The following ATXN10 variants were observed in gnomAD, a reference collection of about 807,000 sequenced individuals.
The protein encoded by ATXN10 is ataxin-10.
In ATXN10, 28 loss-of-function variants were observed where a neutral mutation model predicts 52.9. The observed-to-expected ratio is 0.53, with a 90% CI of 0.39 to 0.73. The LOEUF (loss-of-function observed/expected upper bound fraction) is 0.73. Among genes scored for constraint, ATXN10 ranks in the 30% least tolerant of loss-of-function variants. The pLI, the probability that ATXN10 is intolerant of heterozygous loss-of-function variation, is 0.00. For missense variants in ATXN10, 565 were observed against 577.0 expected, an observed-to-expected ratio of 0.98 and a Z score of 0.21; for synonymous variants, 226 against 221.5, an observed-to-expected ratio of 1.02 and a Z score of -0.18.
At position 45,672,177 on chromosome 22, in the gene ATXN10, C is replaced by T. The variant is rs1922475862; in HGVS notation, c.114C>T (p.Asn38=). ...ALTALFKEQR[N]RETAPRTIFQ... ...CGGCGCTCTTCAAAGAGCAGCGGAACCGGTAACGGGTCCGGCCGGGGGGCT... is the reference window on the plus strand; with the variant it reads ...CGGCGCTCTTCAAAGAGCAGCGGAATCGGTAACGGGTCCGGCCGGGGGGCT... The change falls in exon 1 of 12, where the codon AAC becomes AAT. Residue 38 remains asparagine, a splice_region_variant and synonymous_variant. Transcript: ENST00000252934. 5.9e-6 allele frequency: 9 copies of T among 1,533,748 alleles called. No homozygotes were observed. Among genetic ancestry groups the T allele is most frequent in the Non-Finnish European group, 7.0e-6 (8 of 1,142,898 alleles).
In ATXN10 at chr22:45,721,629, A is replaced by G. The variant is rs1183228693; in HGVS notation, c.728+3136A>G. Among the ~76,000 whole-genome samples the G allele has an allele frequency of 3.3e-5, 5 of 152,332 alleles. No homozygotes were observed. In the East Asian group the frequency reaches 7.7e-4, roughly 23 times the overall value. ...TCTTACTACTATTACTGCAACTACAAGTCTAACAACTACTGCTACTATGCT... is the reference window on the plus strand; with the variant it reads ...TCTTACTACTATTACTGCAACTACAGGTCTAACAACTACTGCTACTATGCT... On this transcript the variant is annotated intron_variant, in intron 6 of 11. Transcript: ENST00000252934.
At chr22:45,723,465 C>G (rs1380572884) in intron 6 of ATXN10, among the ~76,000 whole-genome samples, 1 of 151,772 alleles carries the variant, frequency 6.6e-6, no homozygotes, top group Non-Finnish European at 1.5e-5. Flanking sequence ...GATTTTAGTG[C>G]ACCTGTCACC....
chr22:45,687,206 A>G (rs1923180087), intron 1 of ATXN10, among the ~76,000 whole-genome samples: 1 of 152,236 alleles, frequency 6.6e-6, no homozygotes. Flanking sequence ...ATTGGGAATT[A>G]TTCACAACAT....
chr22:45,699,785 C>T (rs1378585058), intron 3 of ATXN10, among the ~76,000 whole-genome samples: 1 of 151,650 alleles, frequency 6.6e-6, no homozygotes, highest in Non-Finnish European at 1.5e-5. Flanking sequence ...TGAGCCACTG[C>T]ACCCAGGCAA....
intron 9 of ATXN10, among the ~76,000 whole-genome samples, chr22:45,746,948 A>G (rs1263939115): frequency 1.3e-5 from 2 of 152,210 alleles, no homozygotes; most frequent in Non-Finnish European, 2.9e-5. Flanking sequence ...CACCAGCAGA[A>G]CTGTGACATA....
At chr22:45,810,839 G>C (rs915784486) in intron 10 of ATXN10, among the ~76,000 whole-genome samples, 2 of 152,126 alleles carry the variant, frequency 1.3e-5, no homozygotes, top group African/African-American at 4.8e-5. Context: ...TTTGGAGCTT[G>C]ATTTCTAGTA....
chr22:45,685,095 C>CT (rs66761568), intron 1 of ATXN10, among the ~76,000 whole-genome samples: 5 of 142,586 alleles, frequency 3.5e-5, no homozygotes, highest in East Asian at 2.0e-4. Flanking sequence ...TAGCATGTAG[C>CT]TTTTTTTTTT....
chr22:45,800,247 A>G (rs1478624105), intron 9 of ATXN10, among the ~76,000 whole-genome samples: 6 of 152,234 alleles, frequency 3.9e-5, no homozygotes, highest in African/African-American at 1.4e-4. Flanking sequence ...ACTTACTCAT[A>G]TGCAGAATAT....
intron 9 of ATXN10, chr22:45,760,565 A>G (rs1352502042): frequency 6.5e-6 from 1 of 153,984 alleles, no homozygotes; most frequent in Admixed American, 6.5e-5. Context: ...ATCAGAAGCT[A>G]GGAAGGCTTC....
At chr22:45,832,716 A>T (rs1929033055) in intron 10 of ATXN10, among the ~76,000 whole-genome samples, 1 of 152,250 alleles carries the variant, frequency 6.6e-6, no homozygotes, top group African/African-American at 2.4e-5. Flanking sequence ...ATTTTTGTTC[A>T]TATCTAAATC....
chr22:45,772,361 C>G lies in ATXN10; in HGVS notation c.1173+31823C>G, dbSNP rs1926807664. On this transcript the variant is annotated intron_variant, in intron 9 of 11. Coordinates refer to ENST00000252934, the MANE Select transcript of ATXN10 (RefSeq NM_013236.4). This position sits in a 1 kb window ranked among gnomAD's most constrained non-coding sequence, Gnocchi z 4.1. ...TTTTGTTCATTGAATTGCTTTTGCA[C>G]CTTTGTCAAAGATCAAATGGCCCAA... Among the ~76,000 whole-genome samples, 1 of 152,154 alleles carries G rather than the reference C, an allele frequency of 6.6e-6. No individual in the cohort carries two copies. The highest frequency in any genetic ancestry group is 6.5e-5 in the Admixed American group (1 of 15,274).
rs76735782 is a variant in ATXN10 at position 45,776,123 on chromosome 22, A to G, written c.1174-30836A>G. 8.4e-3 allele frequency among the ~76,000 whole-genome samples: 1,287 copies of G among 152,312 alleles called. 22 individuals are homozygous for G. The highest frequency in any genetic ancestry group is 0.03 in the African/African-American group (1,232 of 41,558). ...AATCAAGATGGTGATATACTCTGTAAGCCTACGGTTAACCAGAGGTAGTAG... is the reference window on the plus strand; with the variant it reads ...AATCAAGATGGTGATATACTCTGTAGGCCTACGGTTAACCAGAGGTAGTAG... On this transcript the variant is annotated intron_variant, in intron 9 of 11. Transcript: ENST00000252934.
In ATXN10 at chr22:45,689,589, G is replaced by T. The variant is rs1024958215; in HGVS notation, c.117-123G>T. 4 of 548,090 alleles carry T rather than the reference G, an allele frequency of 7.3e-6. No homozygotes were observed. In the African/African-American group the frequency reaches 8.8e-5, roughly 12 times the overall value. 34.0% of individuals were successfully genotyped at this position (548,090 alleles called of 1,614,324 possible). A position where few individuals can be genotyped will look rare whatever the true frequency, so the allele number is the denominator to read the frequency against. On this transcript the variant is annotated intron_variant, in intron 1 of 11. Coordinates refer to ENST00000252934, the MANE Select transcript of ATXN10 (RefSeq NM_013236.4). ...CTTTTATTTGGTGTTGTAAATTAAG[G>T]AGCTAAAGCAGATAAACGTAGCGTA... is the stretch of plus-strand genomic sequence containing the variant.
At chr22:45,672,820 G>A (rs1240817758) in intron 1 of ATXN10, 1 of 152,534 alleles carries the variant, frequency 6.6e-6, no homozygotes, top group African/African-American at 2.4e-5. Context: ...TGTGGATTTG[G>A]TTCCTGGCCT....
chr22:45,814,796 C>T (rs974692029), intron 10 of ATXN10, among the ~76,000 whole-genome samples: 2 of 152,206 alleles, frequency 1.3e-5, no homozygotes, highest in African/African-American at 2.4e-5. Context: ...TGAGCTCCGT[C>T]TCCCGTCAGA....
chr22:45,752,356 C>T (rs1569049887), intron 9 of ATXN10, among the ~76,000 whole-genome samples: 1 of 152,094 alleles, frequency 6.6e-6, no homozygotes, highest in Non-Finnish European at 1.5e-5. Flanking sequence ...GATTGAGAGC[C>T]AGTAGAAAAG....
Position 45,835,887 on chromosome 22 carries a change from A to G in ATXN10, c.1238-7104A>G, listed in dbSNP as rs1929151700. Among the ~76,000 whole-genome samples, 1 of 152,190 alleles carries G rather than the reference A, an allele frequency of 6.6e-6. No homozygotes were observed. The highest frequency in any genetic ancestry group is 1.5e-5 in the Non-Finnish European group (1 of 68,036). Reference sequence around the variant, plus strand: ...TATTAGCAATTAGCCATTAATTGGTAAATTGGAGGGTATACATACTCATGA... The same window carrying G: ...TATTAGCAATTAGCCATTAATTGGTGAATTGGAGGGTATACATACTCATGA... On this transcript the variant is annotated intron_variant, in intron 10 of 11. Coordinates refer to ENST00000252934, the MANE Select transcript of ATXN10 (RefSeq NM_013236.4). This position sits in a 1 kb window ranked among gnomAD's most constrained non-coding sequence, Gnocchi z 5.0.
At chr22:45,689,415 A>G (rs1923278966) in intron 1 of ATXN10, 1 of 420,248 alleles carries the variant, frequency 2.4e-6, no homozygotes, top group South Asian at 2.3e-5. Context: ...TGATTTGTGC[A>G]AGTTACTTAC....
rs1262517946 is a variant in ATXN10, at chr22:45,759,567, T to C, written c.1173+19029T>C. Among the ~76,000 whole-genome samples, 1 of 152,134 alleles carries C rather than the reference T, an allele frequency of 6.6e-6. No individual in the cohort carries two copies. The highest frequency in any genetic ancestry group is 1.9e-4 in the East Asian group (1 of 5,184). On this transcript the variant is annotated intron_variant, in intron 9 of 11. Coordinates refer to ENST00000252934, the MANE Select transcript of ATXN10 (RefSeq NM_013236.4). This position sits in a 1 kb window ranked among gnomAD's most constrained non-coding sequence, Gnocchi z 5.4. ...TGATCAGGGTGAGGGTTCCGTACTC[T>C]TCTTGTGCCATGAAGCAGGAGGAAA...
Sources: allele counts gnomAD v4.1 joint callset (sites outside exome capture counted in the v4.1 genomes callset), GRCh38; gene constraint gnomAD v4.1.1; non-coding constraint Gnocchi (gnomAD v3.1); transcripts MANE v1.5; gene names NCBI Gene and HGNC (gene_info 2026-07-23, HGNC 2026-07-21).